The following IQSEC1 variants were observed in gnomAD, a reference collection of about 807,000 sequenced individuals.
IQSEC1 encodes IQ motif and Sec7 domain ArfGEF 1.
In IQSEC1, 31 loss-of-function variants were observed where a neutral mutation model predicts 91.0. The observed-to-expected ratio is 0.34, with a 90% CI of 0.26 to 0.46. The LOEUF is 0.46. IQSEC1 is among the 20% of genes least tolerant of loss of function. The probability of loss-of-function intolerance (pLI) is 1.00; values close to 1 mark genes in which losing one functional copy is unlikely to be tolerated. For missense variants in IQSEC1, 1,388 were observed against 1,575.6 expected (o/e 0.88, Z 2.02); for synonymous variants, 699 against 662.6 (o/e 1.05, Z -0.84).
chr3:13,154,462 T>TATATATATATACACACATAC (rs1707053841), intron 2 of IQSEC1, among the ~76,000 whole-genome samples: 1 of 116,440 alleles, frequency 8.6e-6, no homozygotes, highest in African/African-American at 3.4e-5. Flanking sequence ...TATATATATA[T>TATATATATATACACACATAC]ATATATATAT....
intron 1 of IQSEC1, among the ~76,000 whole-genome samples, chr3:13,178,656 A>G (rs1274280136): frequency 6.6e-6 from 1 of 152,326 alleles, no homozygotes; most frequent in African/African-American, 2.4e-5. Flanking sequence ...TGCACTCAAA[A>G]TCTAAGGAAG....
chr3:13,004,126 C>G lies in IQSEC1; in HGVS notation c.24-62261G>C, dbSNP rs369129188. Among the ~76,000 whole-genome samples, 35 of 152,254 alleles carry G rather than the reference C, an allele frequency of 2.3e-4. No individual in the cohort carries two copies. The East Asian group carries it at 6.6e-3, about 29-fold the overall frequency. On this transcript the variant is annotated intron_variant, in intron 1 of 13. Transcript: ENST00000613206. ...TTGGGACCTTGAATAAATCTATAGACCCTGAATGGAGAAAAAGCCCTGAGC... is the reference window on the plus strand; with the variant it reads ...TTGGGACCTTGAATAAATCTATAGAGCCTGAATGGAGAAAAAGCCCTGAGC...
At chr3:13,180,182 G>A (rs1693813966) in intron 1 of IQSEC1, among the ~76,000 whole-genome samples, 1 of 151,528 alleles carries the variant, frequency 6.6e-6, no homozygotes, top group Non-Finnish European at 1.5e-5. Context: ...GGGCTCCTGA[G>A]TCTGGTGGGG....
chr3:12,914,067 T>C (rs1398320107), intron 8 of IQSEC1, among the ~76,000 whole-genome samples: 6 of 152,142 alleles, frequency 3.9e-5, no homozygotes, highest in Non-Finnish European at 8.8e-5. Flanking sequence ...CCCCAGGACT[T>C]TTCCCACCCA....
rs530650893 is a variant in IQSEC1 at position 13,060,321 on chromosome 3, A to G, written c.23+12671T>C. ...AGATGTGGCTGAAAGGAAGGGAGTG[A>G]CGGTGGGAGTAGGAAGGCTGAAGAG... On this transcript the variant is annotated intron_variant, in intron 1 of 13. Coordinates refer to ENST00000613206, the MANE Select transcript of IQSEC1 (RefSeq NM_001134382.3). Among the ~76,000 whole-genome samples, 54 of 152,264 alleles carry G rather than the reference A, an allele frequency of 3.5e-4. 2 individuals carry two copies. In the South Asian group the frequency reaches 7.9e-3, roughly 22 times the overall value.
rs1272805595 is a variant in IQSEC1, at chr3:13,193,728, C to T, written c.273-29595G>A. 2.0e-5 allele frequency among the ~76,000 whole-genome samples: 3 copies of T among 152,160 alleles called. 1 individual carries two copies. The highest frequency in any genetic ancestry group is 4.4e-5 in the Non-Finnish European group (3 of 68,028). ...GCTTAAGCCTCCCTCCTCCAACGGG[C>T]TCTCCCTGGACACATGCTGTGCTGG... On this transcript the variant is annotated intron_variant, in intron 1 of 15. Coordinates refer to the IQSEC1 transcript ENST00000648114. This position sits in a 1 kb window ranked among gnomAD's most constrained non-coding sequence, Gnocchi z 4.2.
At position 12,898,521 on chromosome 3, in the gene IQSEC1, GGATGGC is replaced by G. The variant is rs1693873338; in HGVS notation, c.*2456_*2461del. 1 of 152,336 alleles carries G rather than the reference GGATGGC, an allele frequency of 6.6e-6. No individual in the cohort carries two copies. The highest frequency in any genetic ancestry group is 6.5e-5 in the Admixed American group (1 of 15,304). The allele number at this position is 152,336 out of a possible 1,614,324, so 9.4% of individuals were successfully genotyped here. On this transcript the variant is annotated 3_prime_UTR_variant, in exon 14 of 14. Coordinates refer to ENST00000613206, the MANE Select transcript of IQSEC1 (RefSeq NM_001134382.3). ...GCAGCCCGAGGCTGTGGAGCTTGCAGGATGGCGATGGAGAGGGAGAGTTTCCTGAAA... is the reference window on the plus strand; with the variant it reads ...GCAGCCCGAGGCTGTGGAGCTTGCAGGATGGAGAGGGAGAGTTTCCTGAAA...
chr3:13,146,246 C>T (rs1252826119), intron 2 of IQSEC1, among the ~76,000 whole-genome samples: 2 of 152,044 alleles, frequency 1.3e-5, no homozygotes, highest in African/African-American at 4.8e-5. Context: ...CTTGGCCGCC[C>T]AAAGTTCTGG....
At chr3:13,133,556 C>G (rs370864581) in intron 2 of IQSEC1, among the ~76,000 whole-genome samples, 2 of 152,212 alleles carry the variant, frequency 1.3e-5, no homozygotes, top group East Asian at 1.9e-4. Flanking sequence ...TTGCCAGGCC[C>G]GGCTCTGCCC....
intron 2 of IQSEC1, among the ~76,000 whole-genome samples, chr3:13,110,274 C>T (rs1043104042): frequency 6.6e-6 from 1 of 151,898 alleles, no homozygotes; most frequent in Non-Finnish European, 1.5e-5. Context: ...TTTTATTTTC[C>T]GTAGGCCTGA....
At chr3:13,279,292 G>A (rs1695746968) in intron 1 of IQSEC1, among the ~76,000 whole-genome samples, 2 of 152,214 alleles carry the variant, frequency 1.3e-5, no homozygotes. Flanking sequence ...TCACTAGCAT[G>A]TAGCCAACCA....
In IQSEC1 at chr3:12,908,496, G is replaced by A. The variant is rs201800793; in HGVS notation, c.2608C>T (p.Arg870Trp). The change falls in exon 12 of 14, where the codon CGG becomes TGG. Residue 870 changes from arginine (R) to tryptophan (W), a missense_variant. Physicochemically the swap from Arg to Trp is moderately radical, Grantham distance 101 (BLOSUM62 -3). Around this residue, in one of 2 missense-constraint regions of IQSEC1, gnomAD observed 1,059 missense variants for 1,317.8 expected, o/e 0.80. Transcript: ENST00000613206. The surrounding 1 kb of genome is among the most constrained non-coding windows in gnomAD (Gnocchi z 4.9). ...CTAGAGCACTGGGACATGCTGGGCCGCACGACGCCTTTCTGCTTCTCGAGC... is the reference window on the plus strand; with the variant it reads ...CTAGAGCACTGGGACATGCTGGGCCACACGACGCCTTTCTGCTTCTCGAGC... ...SELEKQKGVV[R>W]PSMSQCSSLK... The A allele has an allele frequency of 4.0e-5, 64 of 1,613,478 alleles. No homozygotes were observed. The highest frequency in any genetic ancestry group is 1.6e-4 in the Middle Eastern group (1 of 6,078).
At chr3:13,016,363 G>T (rs1490633596) in intron 1 of IQSEC1, among the ~76,000 whole-genome samples, 1 of 152,196 alleles carries the variant, frequency 6.6e-6, no homozygotes, top group Non-Finnish European at 1.5e-5. Flanking sequence ...GTGGCCGGCC[G>T]CCACATCTCA....
chr3:13,008,563 C>G lies in IQSEC1; in HGVS notation c.23+64429G>C, dbSNP rs1389038738. Reference sequence around the variant, plus strand: ...TCACTGACCACCGCCAAGTCGCTCCCCACTGCAGCCTCCTGCTTCATTTTC... The same window carrying G: ...TCACTGACCACCGCCAAGTCGCTCCGCACTGCAGCCTCCTGCTTCATTTTC... On this transcript the variant is annotated intron_variant, in intron 1 of 13. Transcript: ENST00000613206. This position sits in a 1 kb window ranked among gnomAD's most constrained non-coding sequence, Gnocchi z 4.1. Among the ~76,000 whole-genome samples, 2 of 152,150 alleles carry G rather than the reference C, an allele frequency of 1.3e-5. No homozygotes were observed. Among genetic ancestry groups the G allele is most frequent in the Non-Finnish European group, 2.9e-5 (2 of 68,028 alleles).
chr3:13,225,621 G>T (rs796631291), intron 1 of IQSEC1, among the ~76,000 whole-genome samples: 2 of 152,266 alleles, frequency 1.3e-5, no homozygotes, highest in African/African-American at 4.8e-5. Context: ...GAGAGATGAA[G>T]AAAATAAAGA....
Position 12,897,470 on chromosome 3 carries a change from G to A in IQSEC1, c.*3513C>T, listed in dbSNP as rs1693759066. On this transcript the variant is annotated 3_prime_UTR_variant, in exon 14 of 14. Transcript: ENST00000613206. The stretch of plus-strand genomic sequence containing the variant: ...CGGAGGCAAAAGATATTTTCCAAGA[G>A]GAGATGCATGCTGTGTGCAGTCTCG... 1 of 152,226 alleles carries A rather than the reference G, an allele frequency of 6.6e-6. No homozygotes were observed. The highest frequency in any genetic ancestry group is 6.5e-5 in the Admixed American group (1 of 15,282). The allele number at this position is 152,226 out of a possible 1,614,324, so 9.4% of individuals were successfully genotyped here.
chr3:13,171,440 T>C (rs1223462621), intron 1 of IQSEC1, among the ~76,000 whole-genome samples: 1 of 152,192 alleles, frequency 6.6e-6, no homozygotes, highest in Non-Finnish European at 1.5e-5. Flanking sequence ...CTCTAAAGGA[T>C]CCACCTAAAA....
chr3:13,077,246 A>T (rs910027053), upstream of IQSEC1, among the ~76,000 whole-genome samples: 4 of 152,186 alleles, frequency 2.6e-5, no homozygotes, highest in African/African-American at 9.7e-5. Flanking sequence ...ATAAAGATGA[A>T]TACCGTGAAC....
At chr3:13,204,363 G>C (rs1036367911) in intron 1 of IQSEC1, among the ~76,000 whole-genome samples, 4 of 152,274 alleles carry the variant, frequency 2.6e-5, no homozygotes, top group African/African-American at 9.6e-5. Flanking sequence ...ACGGAGAAGA[G>C]TCACACCTGT....
Sources: gnomAD v4.1 joint callset for allele counts (sites outside exome capture counted in the v4.1 genomes callset) on GRCh38, gnomAD v4.1.1 for gene constraint, gnomAD v4.1.1 regional missense constraint, Gnocchi (gnomAD v3.1) non-coding constraint, MANE v1.5 for transcripts, NCBI Gene and HGNC (gene_info 2026-07-23, HGNC 2026-07-21) for gene names.